The following TMEM260 variants were observed in gnomAD, a reference collection of about 807,000 sequenced individuals.
TMEM260 encodes the protein protein O-mannosyl-transferase TMEM260.
Under a neutral mutation model 88.9 loss-of-function variants are expected in TMEM260, and 82 were observed. The ratio of observed to expected loss-of-function variants is 0.92; its 90% CI spans 0.77 to 1.11. The LOEUF is 1.11. Among genes scored for constraint, TMEM260 ranks in the 50% least tolerant of loss-of-function variants. The pLI, the probability that TMEM260 is intolerant of heterozygous loss-of-function variation, is 0.00. For synonymous variants in TMEM260, 314 were observed against 309.3 expected, an observed-to-expected ratio of 1.02 and a Z score of -0.16; for missense variants, 902 against 853.4, an observed-to-expected ratio of 1.06 and a Z score of -0.71.
chr14:56,590,702 A>G (rs1427186345), intron 3 of TMEM260, among the ~76,000 whole-genome samples: 1 of 152,266 alleles, frequency 6.6e-6, no homozygotes, highest in African/African-American at 2.4e-5. Flanking sequence ...AAATGCTATC[A>G]TAGCTCTGAT....
intron 4 of TMEM260, among the ~76,000 whole-genome samples, chr14:56,604,426 AC>A (rs1398321999): frequency 6.6e-6 from 1 of 152,192 alleles, no homozygotes; most frequent in East Asian, 1.9e-4. Flanking sequence ...TCAAATGTAA[AC>A]CATGAAGTAG....
intron 1 of TMEM260, 55 bp from the exon 2 acceptor site, chr14:56,584,946 T>G: frequency 3.3e-6 from 5 of 1,512,464 alleles, no homozygotes; most frequent in South Asian, 1.2e-5. Flanking sequence ...TTGAAAACTT[T>G]GGAGGAGTGT....
intron 15 of TMEM260, among the ~76,000 whole-genome samples, chr14:56,643,328 A>G (rs1889734256): frequency 6.6e-6 from 1 of 152,244 alleles, no homozygotes; most frequent in African/African-American, 2.4e-5. Flanking sequence ...AGTGGGCTTC[A>G]TCCCTGGGAT....
At chr14:56,585,961 G>C in intron 3 of TMEM260, 49 bp downstream of exon 3, 1 of 1,581,550 alleles carries the variant, frequency 6.3e-7, no homozygotes, top group Non-Finnish European at 8.6e-7. Flanking sequence ...TGGAGATGTA[G>C]ATTTCTTATG....
rs764475218 is a variant in TMEM260, at chr14:56,580,062, G to C, written c.148G>C (p.Gly50Arg). Residue 50 changes from glycine to arginine, a missense_variant, in exon 1 of 16, where the codon GGG becomes CGG. By Grantham distance (125) the Gly-to-Arg change is moderately radical (BLOSUM62 -2). Transcript: ENST00000261556. ...FTFTLPPSVP[G>R]GDSGELITAA... ...CTTCACCCTGCCCCCTTCGGTACCG[G>C]GGGGAGACTCCGGTAAAGTACTCGC... 18 of 1,252,080 alleles carry C rather than the reference G, an allele frequency of 1.4e-5. No individual in the cohort carries two copies. The highest frequency in any genetic ancestry group is 1.0e-6 in the Non-Finnish European group (1 of 990,484). 77.6% of individuals were successfully genotyped at this position (1,252,080 alleles called of 1,614,324 possible). A position where few individuals can be genotyped will look rare whatever the true frequency, so the allele number is the denominator to read the frequency against.
At chr14:56,630,658 C>T (rs973681482) in intron 12 of TMEM260, among the ~76,000 whole-genome samples, 3 of 152,076 alleles carry the variant, frequency 2.0e-5, no homozygotes, top group African/African-American at 7.2e-5. Context: ...TTTGACAATT[C>T]TAGCATTTGT....
intron 3 of TMEM260, among the ~76,000 whole-genome samples, chr14:56,601,346 A>G (rs1886563119): frequency 6.6e-6 from 1 of 152,098 alleles, no homozygotes; most frequent in South Asian, 2.1e-4. Flanking sequence ...GCTTCAGGTA[A>G]CACATTTCTG....
At chr14:56,600,457 C>T (rs551869400) in intron 3 of TMEM260, among the ~76,000 whole-genome samples, 5 of 152,050 alleles carry the variant, frequency 3.3e-5, no homozygotes, top group African/African-American at 7.2e-5. Flanking sequence ...AAAATGAAGT[C>T]GGAAAGAACT....
Position 56,625,454 on chromosome 14 carries a change from T to C in TMEM260, c.1471T>C (p.Trp491Arg), listed in dbSNP as rs754651882. 3 of 1,613,628 alleles carry C rather than the reference T, an allele frequency of 1.9e-6. No homozygotes were observed. Among genetic ancestry groups the C allele is most frequent in the Non-Finnish European group, 1.7e-6 (2 of 1,179,600 alleles). ...LPGVNFPGNR[W>R]NPVEGILPSG... is the part of the protein sequence containing the mutation. ...AGGTGTCAACTTTCCTGGGAACCGG[T>C]GGAATCCTGTGGAAGGAATATTACC... Residue 491 changes from tryptophan to arginine, a missense_variant, in exon 12 of 16, where the codon TGG becomes CGG. Transcript: ENST00000261556.
At chr14:56,602,194 A>G (rs896239179) in intron 3 of TMEM260, among the ~76,000 whole-genome samples, 4 of 152,198 alleles carry the variant, frequency 2.6e-5, no homozygotes, top group African/African-American at 7.2e-5. Flanking sequence ...ATTAAATACT[A>G]TAGATGTACA....
intron 3 of TMEM260, among the ~76,000 whole-genome samples, chr14:56,592,369 T>A (rs555813115): frequency 1.1e-3 from 163 of 152,304 alleles, no homozygotes; most frequent in Non-Finnish European, 1.3e-3. Context: ...AGATTTATAA[T>A]CTACTGCTCT....
Position 56,615,675 on chromosome 14 carries a change from A to G in TMEM260, c.858-269A>G. The G allele has an allele frequency of 8.0e-6, 3 of 374,374 alleles. No individual in the cohort carries two copies. The East Asian group carries it at 1.3e-4, about 16-fold the overall frequency. The allele number at this position is 374,374 out of a possible 1,614,324, so 23.2% of individuals were successfully genotyped here. ...CGGGGATATTCTATACAGTATACCA[A>G]TATAAAAAATACAGAAGAATTATTT... On this transcript the variant is annotated intron_variant, in intron 7 of 15. Transcript: ENST00000261556.
rs936584536 is a variant in TMEM260, at chr14:56,593,933, C to T, written c.344+8021C>T. 4.6e-5 allele frequency among the ~76,000 whole-genome samples: 7 copies of T among 150,896 alleles called. No individual in the cohort carries two copies. The South Asian group carries it at 6.3e-4, about 14-fold the overall frequency. ...CGATCTCCTGACCTCATGATCCACC[C>T]GCCTCGGCCTCCCAAAGTGCTGGTA... On this transcript the variant is annotated intron_variant, in intron 3 of 15. Transcript: ENST00000261556.
At position 56,633,042 on chromosome 14, in the gene TMEM260, G is replaced by T. The variant is rs780498973; in HGVS notation, c.1595G>T (p.Trp532Leu). 1 of 1,613,792 alleles carries T rather than the reference G, an allele frequency of 6.2e-7. No individual in the cohort carries two copies. The highest frequency in any genetic ancestry group is 8.5e-7 in the Non-Finnish European group (1 of 1,179,918). The change falls in exon 13 of 16, where the codon TGG becomes TTG. Residue 532 changes from tryptophan (W) to leucine (L), a missense_variant. Coordinates refer to ENST00000261556, the MANE Select transcript of TMEM260 (RefSeq NM_017799.4). ...CIGIHEGDPT[W>L]KKNYSLWPWG... ...GGAATTCATGAAGGCGACCCAACCT[G>T]GAAAAAGAACTATTCACTTTGGCCA... is the stretch of plus-strand genomic sequence containing the variant.
intron 15 of TMEM260, among the ~76,000 whole-genome samples, chr14:56,646,344 G>T (rs188081133): frequency 9.9e-5 from 15 of 152,156 alleles, no homozygotes; most frequent in African/African-American, 3.6e-4. Context: ...TTGTCCCTTG[G>T]AGAAAGCACT....
intron 15 of TMEM260, among the ~76,000 whole-genome samples, chr14:56,642,536 A>C (rs1310511397): frequency 3.9e-5 from 6 of 152,234 alleles, no homozygotes; most frequent in Non-Finnish European, 8.8e-5. Flanking sequence ...TATAGCACTA[A>C]ATACCCACAA....
chr14:56,629,388 G>A (rs933150291), intron 12 of TMEM260, among the ~76,000 whole-genome samples: 8 of 150,570 alleles, frequency 5.3e-5, no homozygotes, highest in Admixed American at 4.0e-4. Context: ...TAACCTTACT[G>A]TCATATAAGT....
chr14:56,592,248 G>A (rs1885911828), intron 3 of TMEM260, among the ~76,000 whole-genome samples: 1 of 152,140 alleles, frequency 6.6e-6, no homozygotes, highest in African/African-American at 2.4e-5. Flanking sequence ...ATTAAAGATG[G>A]AAATATTTTA....
intron 15 of TMEM260, among the ~76,000 whole-genome samples, chr14:56,637,739 ACTC>A (rs1889221947): frequency 6.6e-6 from 1 of 152,166 alleles, no homozygotes. Context: ...GACTACTTTT[ACTC>A]CTCAATTGTG....
Sources: allele counts gnomAD v4.1 joint callset (sites outside exome capture counted in the v4.1 genomes callset), GRCh38; gene constraint gnomAD v4.1.1; transcripts MANE v1.5; gene names NCBI Gene and HGNC (gene_info 2026-07-23, HGNC 2026-07-21).